CIT: variants seen among roughly 807,000 people sequenced by gnomAD.
CIT encodes citron rho-interacting serine/threonine kinase, also known as citron Rho-interacting kinase.
Under a neutral mutation model 272.7 loss-of-function variants are expected in CIT, and 79 were observed. The observed-to-expected ratio is 0.29, with a 90% confidence interval of 0.24 to 0.35. CIT has a LOEUF of 0.35. CIT is among the 10% of genes least tolerant of loss of function. The pLI, the probability that CIT is intolerant of heterozygous loss-of-function variation, is 1.00. For synonymous variants in CIT, 948 were observed against 995.6 expected (o/e 0.95, Z 0.90); for missense variants, 1,909 against 2,618.3 (o/e 0.73, Z 5.91).
chr12:119,756,533 C>A (rs2137455639), intron 22 of CIT, among the ~76,000 whole-genome samples: 1 of 152,270 alleles, frequency 6.6e-6, no homozygotes, highest in Middle Eastern at 3.4e-3. Flanking sequence ...CGCGGCCCAT[C>A]CAAGGTGCTC....
At chr12:119,833,934 T>C in intron 6 of CIT, 152 bp downstream of exon 6, 1 of 716,730 alleles carries the variant, frequency 1.4e-6, no homozygotes, top group Non-Finnish European at 2.2e-6. Flanking sequence ...TCTTGGAAAG[T>C]TTGCTTTCAG....
intron 22 of CIT, among the ~76,000 whole-genome samples, chr12:119,756,618 C>G (rs1182937118): frequency 6.6e-6 from 1 of 152,100 alleles, no homozygotes; most frequent in Non-Finnish European, 1.5e-5. Flanking sequence ...TCTTTTGGAG[C>G]ATTGCAGGGA....
At position 119,713,506 on chromosome 12, in the gene CIT, G is replaced by A. The variant is rs1333817761; in HGVS notation, c.4449C>T (p.Ser1483=). The A allele has an allele frequency of 6.2e-7, 1 of 1,614,118 alleles. No homozygotes were observed. The highest frequency in any genetic ancestry group is 1.3e-5 in the African/African-American group (1 of 74,934). The change falls in exon 34 of 48, where the codon AGC becomes AGT. Residue 1483 remains serine, a synonymous_variant. Coordinates refer to ENST00000392521, the MANE Select transcript of CIT (RefSeq NM_001206999.2). The surrounding 1 kb of genome is among the most constrained non-coding windows in gnomAD (Gnocchi z 5.2). Reference sequence around the variant, plus strand: ...TCCACCCTTCCAGGTGCAAGCTGCTGCTGGGCTCCTTGGTCTGGAGACCTG... The same window carrying A: ...TCCACCCTTCCAGGTGCAAGCTGCTACTGGGCTCCTTGGTCTGGAGACCTG... ...NSPGLQTKEP[S]SSLHLEGWMK... is the part of the protein sequence containing the mutation.
intron 9 of CIT, among the ~76,000 whole-genome samples, chr12:119,806,556 G>C (rs11064914): frequency 0.016 from 2,410 of 152,266 alleles, 65 homozygotes; most frequent in African/African-American, 0.054. Context: ...ACTGGCAGAT[G>C]CAAGTGGAGA....
intron 28 of CIT, among the ~76,000 whole-genome samples, chr12:119,727,138 T>A (rs185480994): frequency 2.0e-5 from 3 of 152,314 alleles, no homozygotes; most frequent in East Asian, 3.9e-4. Context: ...AAACTTCTAT[T>A]TGGCACACAC....
chr12:119,713,727 G>A lies in CIT; in HGVS notation c.4307-79C>T, dbSNP rs956435343. On this transcript the variant is annotated intron_variant, in intron 33 of 47. Transcript: ENST00000392521. The surrounding 1 kb of genome is among the most constrained non-coding windows in gnomAD (Gnocchi z 5.2). ...TCCCTTCCTCTGCCAGCCAACGCCTGGGCTTCTCTACCCCAGCCGGGCCCA... is the reference window on the plus strand; with the variant it reads ...TCCCTTCCTCTGCCAGCCAACGCCTAGGCTTCTCTACCCCAGCCGGGCCCA... The A allele has an allele frequency of 6.7e-7, 1 of 1,489,538 alleles. No individual in the cohort carries two copies. Among genetic ancestry groups the A allele is most frequent in the Non-Finnish European group, 9.4e-7 (1 of 1,069,234 alleles). The allele number at this position is 1,489,538 out of a possible 1,614,324, so 92.3% of individuals were successfully genotyped here. A position where few individuals can be genotyped will look rare whatever the true frequency, so the allele number is the denominator to read the frequency against.
In CIT at chr12:119,803,378, AG is replaced by A; in HGVS notation, c.1122del (p.Phe375SerfsTer30). 4 of 1,566,808 alleles carry A rather than the reference AG, an allele frequency of 2.6e-6. No individual in the cohort carries two copies. The highest frequency in any genetic ancestry group is 3.4e-6 in the Non-Finnish European group (4 of 1,161,056). On this transcript the variant is annotated frameshift_variant, in exon 10 of 48. Transcript: ENST00000392521. LOFTEE classifies it high-confidence loss of function. ...DWNNIRNSPP[P>X]FVPTLKSDDD... ...TCGTCAGACTTGAGGGTGGGAACGA[AG>A]GGGGGAGGAGCTGGTTAAAGAAAAA...
chr12:119,808,974 C>T (rs1056899310), intron 9 of CIT, among the ~76,000 whole-genome samples: 1 of 152,194 alleles, frequency 6.6e-6, no homozygotes, highest in Non-Finnish European at 1.5e-5. Context: ...GCAGAGAATA[C>T]ATAAACTGGC....
At chr12:119,776,958 G>T (rs1214119230) in intron 13 of CIT, 116 bp from the exon 14 acceptor site, 1 of 1,158,532 alleles carries the variant, frequency 8.6e-7, no homozygotes, top group Non-Finnish European at 1.2e-6. Flanking sequence ...AGAGAGACTG[G>T]CAAAGAAAAG....
chr12:119,712,825 A>C lies in CIT; in HGVS notation c.4580-130T>G. On this transcript the variant is annotated intron_variant, in intron 35 of 47. Coordinates refer to ENST00000392521, the MANE Select transcript of CIT (RefSeq NM_001206999.2). This position sits in a 1 kb window ranked among gnomAD's most constrained non-coding sequence, Gnocchi z 5.2. ...CGTGTGTAAAGAGAGGCGCACGAGAACAAGGAAGGGACAGAGGTGTGCAGA... is the reference window on the plus strand; with the variant it reads ...CGTGTGTAAAGAGAGGCGCACGAGACCAAGGAAGGGACAGAGGTGTGCAGA... The C allele has an allele frequency of 4.3e-6, 3 of 699,288 alleles. No homozygotes were observed. The highest frequency in any genetic ancestry group is 7.4e-6 in the Non-Finnish European group (3 of 405,672). The allele number at this position is 699,288 out of a possible 1,614,324, so 43.3% of individuals were successfully genotyped here.
chr12:119,759,428 C>G (rs146651950), intron 20 of CIT, among the ~76,000 whole-genome samples: 2,399 of 152,206 alleles, frequency 0.016, 72 homozygotes, highest in African/African-American at 0.056. Flanking sequence ...GGTGGGTCAC[C>G]TGAGGTCAGG....
chr12:119,741,191 A>G lies in CIT; in HGVS notation c.2958+1220T>C, dbSNP rs144389789. 1.8e-4 allele frequency among the ~76,000 whole-genome samples: 28 copies of G among 152,380 alleles called. No homozygotes were observed. In the East Asian group the frequency reaches 5.2e-3, roughly 28 times the overall value. On this transcript the variant is annotated intron_variant, in intron 24 of 47. Coordinates refer to ENST00000392521, the MANE Select transcript of CIT (RefSeq NM_001206999.2). The stretch of plus-strand genomic sequence containing the variant: ...AGAACAAATTATTGATAGGTACAGC[A>G]ACATGGAGGAACCTCACAAAACATT...
At chr12:119,795,650 G>C (rs1281069999) in intron 10 of CIT, among the ~76,000 whole-genome samples, 2 of 152,140 alleles carry the variant, frequency 1.3e-5, no homozygotes, top group Admixed American at 1.3e-4. Context: ...GCAAAGTCAT[G>C]GCTCTTAGAG....
Position 119,713,075 on chromosome 12 carries a change from G to T in CIT, c.4579+128C>A. On this transcript the variant is annotated intron_variant, in intron 35 of 47. Coordinates refer to ENST00000392521, the MANE Select transcript of CIT (RefSeq NM_001206999.2). This position sits in a 1 kb window ranked among gnomAD's most constrained non-coding sequence, Gnocchi z 5.2. ...AACCTTTAGAGAAGTCATTTGGTTTGTAAGTTTCAAAAATGGAAAAGCGTA... is the reference window on the plus strand; with the variant it reads ...AACCTTTAGAGAAGTCATTTGGTTTTTAAGTTTCAAAAATGGAAAAGCGTA... 1 of 732,310 alleles carries T rather than the reference G, an allele frequency of 1.4e-6. No homozygotes were observed. The highest frequency in any genetic ancestry group is 2.4e-6 in the Non-Finnish European group (1 of 422,476). 45.4% of individuals were successfully genotyped at this position (732,310 alleles called of 1,614,324 possible).
chr12:119,753,457 C>G (rs564565368), intron 22 of CIT, among the ~76,000 whole-genome samples: 1 of 152,230 alleles, frequency 6.6e-6, no homozygotes, highest in South Asian at 2.1e-4. Context: ...TGACTCCCAG[C>G]CGGGTGCAAT....
intron 10 of CIT, among the ~76,000 whole-genome samples, chr12:119,799,360 T>C (rs557202828): frequency 1.3e-5 from 2 of 152,334 alleles, no homozygotes; most frequent in Admixed American, 6.5e-5. Flanking sequence ...GTAAGAAAAG[T>C]ATCGCTGTCC....
chr12:119,780,849 C>T (rs1964222042), intron 13 of CIT, among the ~76,000 whole-genome samples: 1 of 152,198 alleles, frequency 6.6e-6, no homozygotes, highest in African/African-American at 2.4e-5. Flanking sequence ...TTCTTCCCCA[C>T]AATGGAACTT....
Position 119,713,823 on chromosome 12 carries a change from A to C in CIT, c.4307-175T>G, listed in dbSNP as rs1455185153. ...GTGCCAGGCCCCTGCAGAAAGGGAA[A>C]ACAAAAGTGCCAAGTGCTCTTGACC... On this transcript the variant is annotated intron_variant, in intron 33 of 47. Coordinates refer to ENST00000392521, the MANE Select transcript of CIT (RefSeq NM_001206999.2). This position sits in a 1 kb window ranked among gnomAD's most constrained non-coding sequence, Gnocchi z 5.2. The C allele has an allele frequency of 4.4e-6, 3 of 681,392 alleles. No homozygotes were observed. Among genetic ancestry groups the C allele is most frequent in the Non-Finnish European group, 7.4e-6 (3 of 404,310 alleles). The allele number at this position is 681,392 out of a possible 1,614,324, so 42.2% of individuals were successfully genotyped here.
At chr12:119,870,499 G>A (rs1032227255) in intron 2 of CIT, among the ~76,000 whole-genome samples, 19 of 133,102 alleles carry the variant, frequency 1.4e-4, no homozygotes, top group Non-Finnish European at 2.0e-4. Context: ...GCAGTGAGCC[G>A]AGATCACACC....
Sources: gnomAD v4.1 joint callset for allele counts (sites outside exome capture counted in the v4.1 genomes callset) on GRCh38, gnomAD v4.1.1 for gene constraint, Gnocchi (gnomAD v3.1) non-coding constraint, MANE v1.5 for transcripts, NCBI Gene and HGNC (gene_info 2026-07-23, HGNC 2026-07-21) for gene names.